ACADVL: variants seen among roughly 807,000 people sequenced by gnomAD.
The protein encoded by ACADVL is very long-chain acyl-CoA dehydrogenase, mitochondrial.
A neutral mutation model predicts 80.4 loss-of-function variants in ACADVL; 73 were observed. The observed-to-expected ratio is 0.91, with a 90% CI of 0.75 to 1.10. The LOEUF is 1.10. ACADVL is among the 50% of genes least tolerant of loss of function. The pLI is 0.00. For missense variants in ACADVL, 878 were observed against 858.9 expected (o/e 1.02, Z -0.28); for synonymous variants, 392 against 326.5 (o/e 1.20, Z -2.16).
chr17:7,219,340 G>C, upstream of ACADVL: 2 of 948,636 alleles, frequency 2.1e-6, no homozygotes, highest in Non-Finnish European at 2.5e-6. Context: ...AGACAGAAGG[G>C]AATGTTCAGG....
upstream of ACADVL, chr17:7,218,123 G>T: frequency 2.1e-6 from 2 of 935,596 alleles, no homozygotes; most frequent in South Asian, 3.2e-5. Context: ...CTGGGCCACT[G>T]ACTCAGGCTT....
At chr17:7,220,096 C>T (rs375677107) in intron 1 of ACADVL, 26 bp from the exon 2 acceptor site, 16 of 1,589,826 alleles carry the variant, frequency 1.0e-5, no homozygotes, top group African/African-American at 4.0e-5. Context: ...GGCACCGGGC[C>T]GGCACTGAAC....
At chr17:7,217,613 A>AGG, upstream of ACADVL, 2 of 1,211,594 alleles carry the variant, frequency 1.7e-6, no homozygotes, top group South Asian at 2.8e-5. Context: ...CGAAGAGGGA[A>AGG]GGGGAGAGAG....
In ACADVL at chr17:7,220,503, C is replaced by T. The variant is rs1223665629; in HGVS notation, c.178C>T (p.Leu60=). The part of the protein sequence containing the change: ...DKSDSHPSDA[L]TRKKPAKAES... ...GTCAGATTCCCACCCCTCTGACGCT[C>T]TGACCAGGAAAAAACCGGCCAAGGC... is the stretch of plus-strand genomic sequence containing the variant. The change falls in exon 3 of 20, where the codon CTG becomes TTG. Residue 60 remains leucine (L), a synonymous_variant. Coordinates refer to ENST00000356839, the MANE Select transcript of ACADVL (RefSeq NM_000018.4). 1 of 1,614,226 alleles carries T rather than the reference C, an allele frequency of 6.2e-7. No individual in the cohort carries two copies. Among genetic ancestry groups the T allele is most frequent in the South Asian group, 1.1e-5 (1 of 91,082 alleles).
At position 7,222,852 on chromosome 17, in the gene ACADVL, T is replaced by C. The variant is rs1351976589; in HGVS notation, c.1064T>C (p.Ile355Thr). The change falls in exon 10 of 20, where the codon ATC (isoleucine) becomes ACC (threonine). Residue 355 changes from isoleucine (I) to threonine (T), a missense_variant. Ile to Thr is a moderately conservative substitution (Grantham distance 89). Coordinates refer to ENST00000356839, the MANE Select transcript of ACADVL (RefSeq NM_000018.4). ...AAALAGTMRGIIAKAVDHATN... is the reference protein window; with the variant it reads ...AAALAGTMRGTIAKAVDHATN... ...GCCCTGGCAGGTACCATGAGAGGCA[T>C]CATTGCTAAGGCGGTGAGTACCCTG... The C allele has an allele frequency of 4.3e-6, 7 of 1,612,148 alleles. No individual in the cohort carries two copies. Among genetic ancestry groups the C allele is most frequent in the African/African-American group, 1.3e-5 (1 of 74,832 alleles).
upstream of ACADVL, chr17:7,219,725 G>A (rs886851847): frequency 7.0e-7 from 1 of 1,422,148 alleles, no homozygotes; most frequent in Non-Finnish European, 9.2e-7. Flanking sequence ...CACCCCGTCG[G>A]AGGACTAGAC....
Position 7,222,060 on chromosome 17 carries a change from A to C in ACADVL, c.731A>C (p.Asn244Thr). The change falls in exon 8 of 20, where the codon AAT becomes ACT. Residue 244 changes from asparagine (N) to threonine (T), a missense_variant. Physicochemically the swap from Asn to Thr is moderately conservative, Grantham distance 65. Coordinates refer to ENST00000356839, the MANE Select transcript of ACADVL (RefSeq NM_000018.4). The part of the protein sequence containing the change: ...PSPCGKYYTL[N>T]GSKLWISNGG... ...CCCTGTGGAAAATACTATACCCTCA[A>C]TGGAAGCAAGCTTTGGATCAGGCAA... The C allele has an allele frequency of 6.2e-7, 1 of 1,614,050 alleles. No individual in the cohort carries two copies. The highest frequency in any genetic ancestry group is 1.1e-5 in the South Asian group (1 of 91,068).
At chr17:7,224,606 G>GCCCCCACCCCCA (rs754154374) in intron 17 of ACADVL, 36 bp from the exon 18 acceptor site, 1 of 1,546,392 alleles carries the variant, frequency 6.5e-7, no homozygotes, top group Non-Finnish European at 8.8e-7. Flanking sequence ...TGAGACTAAT[G>GCCCCCACCCCCA]CCCCCACCCC....
At chr17:7,224,119 T>C (rs1281849589) in intron 14 of ACADVL, 27 bp from the exon 15 acceptor site, 1 of 1,613,816 alleles carries the variant, frequency 6.2e-7, no homozygotes, top group East Asian at 2.2e-5. Flanking sequence ...CAGTGAGTCC[T>C]GACTGCTGGA....
chr17:7,220,337 G>C (rs572976121), intron 2 of ACADVL, 127 bp from the exon 3 acceptor site: 9 of 1,537,392 alleles, frequency 5.9e-6, no homozygotes, highest in Non-Finnish European at 8.0e-6. Flanking sequence ...GCAAGCCAGG[G>C]TGCCCTAGGG....
upstream of ACADVL, chr17:7,217,506 AGG>A: frequency 1.3e-5 from 1 of 76,844 alleles, no homozygotes; most frequent in African/African-American, 1.1e-4. Context: ...GCCCCGGGGT[AGG>A]GGGGGGTCTT....
In ACADVL at chr17:7,222,026, G is replaced by A. The variant is rs777684163; in HGVS notation, c.697G>A (p.Val233Met). ...SDAASIRTSA[V>M]PSPCGKYYTL... ...TGCAGCCTCCATCCGAACCTCTGCT[G>A]TGCCCAGCCCCTGTGGAAAATACTA... The change falls in exon 8 of 20, where the codon GTG becomes ATG. Residue 233 changes from valine to methionine, a missense_variant. Coordinates refer to ENST00000356839, the MANE Select transcript of ACADVL (RefSeq NM_000018.4). The A allele has an allele frequency of 5.0e-6, 8 of 1,614,000 alleles. No homozygotes were observed. The highest frequency in any genetic ancestry group is 3.4e-6 in the Non-Finnish European group (4 of 1,180,038).
At chr17:7,219,557 CTG>C, upstream of ACADVL, 5 of 1,105,214 alleles carry the variant, frequency 4.5e-6, no homozygotes, top group Non-Finnish European at 5.6e-6. Flanking sequence ...ACCCTAGAGT[CTG>C]TCTTTCCATG....
intron 6 of ACADVL, 39 bp from the exon 7 acceptor site, chr17:7,221,499 G>A (rs747718004): frequency 6.2e-7 from 1 of 1,611,992 alleles, no homozygotes; most frequent in Non-Finnish European, 8.5e-7. Context: ...AGGTCCCCCT[G>A]CAGCCAGTGA....
rs1451890121 is a variant in ACADVL, at chr17:7,224,849, C to G, written c.1792C>G (p.His598Asp). The change falls in exon 19 of 20, where the codon CAT becomes GAT. Residue 598 changes from histidine (H) to aspartate (D), a missense_variant. Transcript: ENST00000356839. ...GAGTGAGGGCCACCCCACGGCCCAG[C>G]ATGAGAAAATGCTCTGTGACACCTG... ...SLSEGHPTAQHEKMLCDTWCI... is the reference protein window; with the variant it reads ...SLSEGHPTAQDEKMLCDTWCI... 6.2e-7 allele frequency: 1 copy of G among 1,613,980 alleles called. No individual in the cohort carries two copies. The highest frequency in any genetic ancestry group is 1.3e-5 in the African/African-American group (1 of 74,910).
Position 7,222,506 on chromosome 17 carries a change from G to A in ACADVL, c.879-161G>A, listed in dbSNP as rs559180547. The A allele has an allele frequency of 1.2e-5, 14 of 1,129,122 alleles. No individual in the cohort carries two copies. In the South Asian group the frequency reaches 1.9e-4, roughly 15 times the overall value. 69.9% of individuals were successfully genotyped at this position (1,129,122 alleles called of 1,614,324 possible). A position where few individuals can be genotyped will look rare whatever the true frequency, so the allele number is the denominator to read the frequency against. ...CCAACACAAAATAGGACATAGCCAG[G>A]CCTCCTTAGCCCTCAGGGCCTGAGG... is the stretch of plus-strand genomic sequence containing the variant. On this transcript the variant is annotated intron_variant, in intron 9 of 19. Coordinates refer to ENST00000356839, the MANE Select transcript of ACADVL (RefSeq NM_000018.4).
At position 7,223,853 on chromosome 17, in the gene ACADVL, TG is replaced by T. The variant is rs748077880; in HGVS notation, c.1316del (p.Gly439ValfsTer5). 2 of 1,613,834 alleles carry T rather than the reference TG, an allele frequency of 1.2e-6. No individual in the cohort carries two copies. The highest frequency in any genetic ancestry group is 1.3e-5 in the African/African-American group (1 of 74,948). On this transcript the variant is annotated frameshift_variant, in exon 13 of 20. Coordinates refer to ENST00000356839, the MANE Select transcript of ACADVL (RefSeq NM_000018.4). LOFTEE classifies it high-confidence loss of function. Reference sequence around the variant, plus strand: ...GTGACAGATGAATGCATCCAAATCATGGGGGGTATGGGCTTCATGAAGGTAC... The same window carrying T: ...GTGACAGATGAATGCATCCAAATCATGGGGGTATGGGCTTCATGAAGGTAC... ...WKVTDECIQI[M>X]GGMGFMKEPG... is the part of the protein sequence containing the mutation.
At chr17:7,217,904 C>A, upstream of ACADVL, 1 of 1,324,178 alleles carries the variant, frequency 7.6e-7, no homozygotes, top group Admixed American at 2.0e-5. Flanking sequence ...GGAGGCCTCT[C>A]GGCAGGCGGT....
rs2142986089 is a variant in ACADVL at position 7,224,033 on chromosome 17, C to T, written c.1398C>T (p.Asp466=). 7 of 1,614,136 alleles carry T rather than the reference C, an allele frequency of 4.3e-6. No individual in the cohort carries two copies. The highest frequency in any genetic ancestry group is 5.9e-6 in the Non-Finnish European group (7 of 1,180,026). ...TCCGGATCTTTGAGGGGACAAATGA[C>T]ATTCTTCGGCTGTTTGTGGCTCTGC... ...RIFRIFEGTN[D]ILRLFVALQG... is the part of the protein sequence containing the mutation. The change falls in exon 14 of 20, where the codon GAC becomes GAT. Residue 466 remains aspartate (D), a synonymous_variant. Transcript: ENST00000356839.
Sources: gnomAD v4.1 joint callset for allele counts on GRCh38, gnomAD v4.1.1 for gene constraint, MANE v1.5 for transcripts, NCBI Gene and HGNC (gene_info 2026-07-23, HGNC 2026-07-21) for gene names.